PLGRKT: variants seen among roughly 807,000 people sequenced by gnomAD.
The protein encoded by PLGRKT is plasminogen receptor (KT).
Under a neutral mutation model 18.5 loss-of-function variants are expected in PLGRKT, and 22 were observed. The observed-to-expected ratio is 1.19, with a 90% CI of 0.85 to 1.70. The LOEUF is 1.70. Ranked by LOEUF, PLGRKT falls within the 40% of genes most tolerant of loss-of-function variation. The pLI, the probability that PLGRKT is intolerant of heterozygous loss-of-function variation, is 0.00. For synonymous variants in PLGRKT, 72 were observed against 52.8 expected (o/e 1.36, Z -1.58); for missense variants, 235 against 174.4 (o/e 1.35, Z -1.96).
chr9:5,437,708 C>G (rs1213586989), intron 1 of PLGRKT, 81 bp downstream of exon 1: 1 of 152,326 alleles, frequency 6.6e-6, no homozygotes, highest in Non-Finnish European at 1.5e-5. Flanking sequence ...GCCTGGCAAG[C>G]CCGGAGCCCA....
chr9:5,375,959 T>A (rs1817618494), intron 3 of PLGRKT, among the ~76,000 whole-genome samples: 1 of 152,130 alleles, frequency 6.6e-6, no homozygotes, highest in Admixed American at 6.5e-5. Flanking sequence ...CAAGTGCATA[T>A]CAACGGATGA....
At chr9:5,365,087 A>G (rs1343502749) in intron 3 of PLGRKT, among the ~76,000 whole-genome samples, 6 of 149,820 alleles carry the variant, frequency 4.0e-5, no homozygotes, top group Non-Finnish European at 8.9e-5. Flanking sequence ...CCTAACACCC[A>G]GAAACACCCA....
chr9:5,403,541 A>G (rs1818197718), intron 3 of PLGRKT, among the ~76,000 whole-genome samples: 1 of 152,194 alleles, frequency 6.6e-6, no homozygotes, highest in Admixed American at 6.5e-5. Context: ...CTCATTCTTA[A>G]TGGTGTACAT....
intron 3 of PLGRKT, among the ~76,000 whole-genome samples, chr9:5,368,460 C>A (rs938403544): frequency 6.6e-6 from 1 of 152,094 alleles, no homozygotes; most frequent in African/African-American, 2.4e-5. Context: ...AGGCCATTAT[C>A]CTAAGTGAAT....
intron 3 of PLGRKT, among the ~76,000 whole-genome samples, chr9:5,430,414 A>G (rs1818799094): frequency 6.6e-6 from 1 of 152,212 alleles, no homozygotes; most frequent in African/African-American, 2.4e-5. Flanking sequence ...TCAGTTGTCC[A>G]TTCTTTCAAT....
In PLGRKT at chr9:5,419,709, A is replaced by AG. The variant is rs1345222876; in HGVS notation, c.81+12187_81+12188insC. On this transcript the variant is annotated intron_variant, in intron 3 of 5. Transcript: ENST00000223864. Reference sequence around the variant, plus strand: ...TGACTAGAATTTGGGGGGAAAAAAAAAGAGAGAGAGAAAATAAGATTTGGT... The same window carrying AG: ...TGACTAGAATTTGGGGGGAAAAAAAAGAGAGAGAGAGAAAATAAGATTTGGT... Among the ~76,000 whole-genome samples, 31 of 152,326 alleles carry AG rather than the reference A, an allele frequency of 2.0e-4. No individual in the cohort carries two copies. The East Asian group carries it at 2.5e-3, about 12-fold the overall frequency.
intron 3 of PLGRKT, among the ~76,000 whole-genome samples, chr9:5,412,629 C>A (rs1234281890): frequency 1.3e-5 from 2 of 152,060 alleles, no homozygotes; most frequent in East Asian, 1.9e-4. Context: ...TATAAATCAC[C>A]CAGTCTGTAT....
Position 5,433,452 on chromosome 9 carries a change from G to A in PLGRKT, c.-6-1469C>T, listed in dbSNP as rs146786355. ...TGGGAAGTGAGGAGTGCCTCTGCCC[G>A]GCCGCCACCCCGTCTAGGAAGCAAG... On this transcript the variant is annotated intron_variant, in intron 2 of 5. Coordinates refer to ENST00000223864, the MANE Select transcript of PLGRKT (RefSeq NM_018465.4). Among the ~76,000 whole-genome samples the A allele has an allele frequency of 1.4e-3, 202 of 147,114 alleles. 1 individual carries two copies. Among genetic ancestry groups the A allele is most frequent in the African/African-American group, 4.6e-3 (181 of 39,538 alleles).
intron 3 of PLGRKT, among the ~76,000 whole-genome samples, chr9:5,410,278 G>A (rs1818336437): frequency 6.6e-6 from 1 of 152,146 alleles, no homozygotes; most frequent in Non-Finnish European, 1.5e-5. Flanking sequence ...GCTCATGCCT[G>A]TAATCCCGGC....
intron 3 of PLGRKT, among the ~76,000 whole-genome samples, chr9:5,424,398 AAT>A (rs1304435176): frequency 2.3e-4 from 29 of 128,730 alleles, no homozygotes; most frequent in Non-Finnish European, 4.3e-4. Flanking sequence ...TATAAAACAT[AAT>A]ATATTATATA....
rs149903950 is a variant in PLGRKT at position 5,376,638 on chromosome 9, T to C, written c.82-14750A>G. 2.0e-4 allele frequency among the ~76,000 whole-genome samples: 30 copies of C among 152,312 alleles called. No homozygotes were observed. The East Asian group carries it at 3.5e-3, about 18-fold the overall frequency. On this transcript the variant is annotated intron_variant, in intron 3 of 5. Coordinates refer to ENST00000223864, the MANE Select transcript of PLGRKT (RefSeq NM_018465.4). ...ACTGTTTTTCTCCTTTTCCTCCTTA[T>C]CAACATCATCATCATCATCATCCCT...
chr9:5,374,608 T>C (rs761862306), intron 3 of PLGRKT, among the ~76,000 whole-genome samples: 60 of 152,202 alleles, frequency 3.9e-4, no homozygotes, highest in Non-Finnish European at 6.5e-4. Flanking sequence ...AGTTCTATTA[T>C]GTGATTGTGG....
At chr9:5,430,945 G>A (rs1042787145) in intron 3 of PLGRKT, among the ~76,000 whole-genome samples, 4 of 152,202 alleles carry the variant, frequency 2.6e-5, no homozygotes, top group African/African-American at 9.7e-5. Flanking sequence ...TAAATCCAAT[G>A]TTAAGGTTTC....
rs779939858 is a variant in PLGRKT, at chr9:5,360,795, C to T, written c.322+283G>A. ...AACACAATTTAATATTATTTATTTGCTGTAATTTATTTATTGCAAGTTTAT... is the reference window on the plus strand; with the variant it reads ...AACACAATTTAATATTATTTATTTGTTGTAATTTATTTATTGCAAGTTTAT... On this transcript the variant is annotated intron_variant, in intron 5 of 5. Coordinates refer to ENST00000223864, the MANE Select transcript of PLGRKT (RefSeq NM_018465.4). 3.0e-4 allele frequency among the ~76,000 whole-genome samples: 45 copies of T among 152,068 alleles called. 1 individual carries two copies. The highest frequency in any genetic ancestry group is 1.2e-3 in the South Asian group (6 of 4,826).
At chr9:5,362,564 T>C (rs1172221813) in intron 3 of PLGRKT, among the ~76,000 whole-genome samples, 2 of 152,222 alleles carry the variant, frequency 1.3e-5, no homozygotes, top group Non-Finnish European at 1.5e-5. Flanking sequence ...AAGAGAGTTA[T>C]ATTCTTGACA....
At chr9:5,392,028 G>A (rs1368781201) in intron 3 of PLGRKT, among the ~76,000 whole-genome samples, 1 of 151,898 alleles carries the variant, frequency 6.6e-6, no homozygotes, top group East Asian at 1.9e-4. Context: ...TTAGAGCTCT[G>A]ACATATGTAC....
At chr9:5,414,190 G>A (rs908456171) in intron 3 of PLGRKT, among the ~76,000 whole-genome samples, 13 of 152,048 alleles carry the variant, frequency 8.5e-5, no homozygotes, top group South Asian at 6.2e-4. Flanking sequence ...TGTTTAAGAC[G>A]GAGTCTCACT....
At chr9:5,362,836 T>C (rs1029438103) in intron 3 of PLGRKT, among the ~76,000 whole-genome samples, 20 of 152,214 alleles carry the variant, frequency 1.3e-4, no homozygotes, top group African/African-American at 4.8e-4. Context: ...CCAGAAGATA[T>C]GACGGAAGCC....
At chr9:5,395,900 T>TG (rs1818036411) in intron 3 of PLGRKT, among the ~76,000 whole-genome samples, 1 of 150,514 alleles carries the variant, frequency 6.6e-6, no homozygotes, top group Non-Finnish European at 1.5e-5. Flanking sequence ...TTTTTTTTTT[T>TG]TTTTTTTTCC....
Sources: gnomAD v4.1 joint callset for allele counts (sites outside exome capture counted in the v4.1 genomes callset) on GRCh38, gnomAD v4.1.1 for gene constraint, MANE v1.5 for transcripts, NCBI Gene and HGNC (gene_info 2026-07-23, HGNC 2026-07-21) for gene names.